PTPRN2: variants seen among roughly 807,000 people sequenced by gnomAD.
The protein encoded by PTPRN2 is protein tyrosine phosphatase receptor type N2.
PTPRN2 carries 74 observed loss-of-function variants against 118.8 expected under a neutral mutation model. The observed-to-expected ratio is 0.62, with a 90% confidence interval of 0.52 to 0.76. PTPRN2 has a LOEUF of 0.76. PTPRN2 is among the 30% of genes least tolerant of loss of function. PTPRN2 has a pLI of 0.00. For missense variants in PTPRN2, 1,481 were observed against 1,394.4 expected (o/e 1.06, Z -0.99); for synonymous variants, 641 against 608.0 (o/e 1.05, Z -0.80).
chr7:158,341,542 A>T (rs1806792198), intron 2 of PTPRN2, among the ~76,000 whole-genome samples: 2 of 113,120 alleles, frequency 1.8e-5, no homozygotes, highest in Admixed American at 9.0e-5. Context: ...ATAAGAGGTG[A>T]CATCTGCAGA....
rs1304710171 is a variant in PTPRN2 at position 157,845,804 on chromosome 7, C to T, written c.1788+52869G>A. On this transcript the variant is annotated intron_variant, in intron 12 of 22. Coordinates refer to ENST00000389418, the MANE Select transcript of PTPRN2 (RefSeq NM_002847.5). This position sits in a 1 kb window ranked among gnomAD's most constrained non-coding sequence, Gnocchi z 4.5. ...CCATGGGCAGAGGAAGGACAAGCAA[C>T]GTGGGGCCATGGGGAGGGACGGAAG... 2.6e-5 allele frequency among the ~76,000 whole-genome samples: 4 copies of T among 152,060 alleles called. No homozygotes were observed. The highest frequency in any genetic ancestry group is 4.4e-5 in the Non-Finnish European group (3 of 68,014).
chr7:158,020,677 C>G (rs1806808660), intron 11 of PTPRN2, among the ~76,000 whole-genome samples: 1 of 152,162 alleles, frequency 6.6e-6, no homozygotes, highest in Admixed American at 6.5e-5. Context: ...TCTCAGCTCC[C>G]AAAGCCCACC....
chr7:158,332,111 GA>G (rs1352437905), intron 2 of PTPRN2, among the ~76,000 whole-genome samples: 3 of 149,700 alleles, frequency 2.0e-5, no homozygotes, highest in African/African-American at 5.1e-5. Flanking sequence ...GAGGCCCACA[GA>G]GGTCACTCAC....
intron 3 of PTPRN2, among the ~76,000 whole-genome samples, chr7:158,289,705 T>G (rs967517436): frequency 1.4e-4 from 21 of 152,222 alleles, no homozygotes; most frequent in African/African-American, 3.6e-4. Context: ...TTTGGTGGTG[T>G]TGTGTCTCCT....
At chr7:157,593,684 G>A (rs1020021786) in intron 17 of PTPRN2, among the ~76,000 whole-genome samples, 4 of 152,180 alleles carry the variant, frequency 2.6e-5, no homozygotes, top group African/African-American at 7.2e-5. Context: ...GCGCTGGGAC[G>A]GATGGGTCCA....
chr7:158,430,114 G>A (rs1816050493), intron 2 of PTPRN2, among the ~76,000 whole-genome samples: 1 of 152,040 alleles, frequency 6.6e-6, no homozygotes, highest in South Asian at 2.1e-4. Flanking sequence ...CACTATGTTG[G>A]CCAGGCTGGT....
intron 11 of PTPRN2, among the ~76,000 whole-genome samples, chr7:158,008,770 C>T (rs754743084): frequency 2.6e-5 from 4 of 152,324 alleles, no homozygotes; most frequent in Non-Finnish European, 4.4e-5. Flanking sequence ...CTAGTATCAC[C>T]GTTTTCTTTC....
rs962288345 is a variant in PTPRN2, at chr7:157,611,916, C to T, written c.2345-7841G>A. ...ATGCTGGGGACACGCGGAGGGAGAG[C>T]GCCCGTGTGAAGACGAAGACAGCCG... On this transcript the variant is annotated intron_variant, in intron 15 of 22. Transcript: ENST00000389418. The surrounding 1 kb of genome is among the most constrained non-coding windows in gnomAD (Gnocchi z 5.9). Among the ~76,000 whole-genome samples, 10 of 152,148 alleles carry T rather than the reference C, an allele frequency of 6.6e-5. No individual in the cohort carries two copies. The highest frequency in any genetic ancestry group is 1.9e-4 in the African/African-American group (8 of 41,526).
chr7:158,149,569 G>A (rs1033898661), intron 6 of PTPRN2, among the ~76,000 whole-genome samples: 10 of 152,088 alleles, frequency 6.6e-5, no homozygotes, highest in South Asian at 2.1e-4. Context: ...TTTGGGGTCC[G>A]AGGTGGGTGG....
chr7:158,127,807 G>C (rs772204327), intron 9 of PTPRN2, among the ~76,000 whole-genome samples: 1 of 152,176 alleles, frequency 6.6e-6, no homozygotes, highest in Non-Finnish European at 1.5e-5. Context: ...TATACCTGGT[G>C]TCCGTCCTGT....
At chr7:158,411,184 C>G (rs550870314) in intron 2 of PTPRN2, among the ~76,000 whole-genome samples, 3 of 152,192 alleles carry the variant, frequency 2.0e-5, no homozygotes, top group Non-Finnish European at 2.9e-5. Context: ...CCCATGAGCA[C>G]CCCATCCCTT....
chr7:158,329,861 G>A (rs909077746), intron 2 of PTPRN2, among the ~76,000 whole-genome samples: 1 of 152,136 alleles, frequency 6.6e-6, no homozygotes, highest in African/African-American at 2.4e-5. Context: ...TTAGACTGTA[G>A]ATGCCAGCGT....
At chr7:157,817,785 G>A (rs1221096286) in intron 12 of PTPRN2, among the ~76,000 whole-genome samples, 1 of 152,182 alleles carries the variant, frequency 6.6e-6, no homozygotes, top group Non-Finnish European at 1.5e-5. Flanking sequence ...CGTGTGTGAT[G>A]TGTGCATGTG....
intron 2 of PTPRN2, among the ~76,000 whole-genome samples, chr7:158,439,773 G>A (rs2129432662): frequency 6.6e-6 from 1 of 152,348 alleles, no homozygotes; most frequent in South Asian, 2.1e-4. Context: ...CGACCAACAA[G>A]ATGGCCCAGT....
chr7:157,692,162 C>T (rs920130609), intron 12 of PTPRN2, among the ~76,000 whole-genome samples: 1 of 152,164 alleles, frequency 6.6e-6, no homozygotes, highest in African/African-American at 2.4e-5. Context: ...CTCCCACCGC[C>T]TGGCCATTGT....
At position 158,450,088 on chromosome 7, in the gene PTPRN2, A is replaced by G. The variant is rs35318004; in HGVS notation, c.163+39647T>C. 3.3e-3 allele frequency among the ~76,000 whole-genome samples: 505 copies of G among 152,338 alleles called. 2 individuals are homozygous for G. Among genetic ancestry groups the G allele is most frequent in the Non-Finnish European group, 6.2e-3 (421 of 68,018 alleles). On this transcript the variant is annotated intron_variant, in intron 2 of 22. Transcript: ENST00000389418. ...GCCTGGCTTCTCACCGCGTCCTTACATGGAGGAGAGAGGACTCTTCCTCTT... is the reference window on the plus strand; with the variant it reads ...GCCTGGCTTCTCACCGCGTCCTTACGTGGAGGAGAGAGGACTCTTCCTCTT...
intron 11 of PTPRN2, among the ~76,000 whole-genome samples, chr7:157,906,292 A>G (rs1180119771): frequency 6.6e-6 from 1 of 152,236 alleles, no homozygotes; most frequent in African/African-American, 2.4e-5. Flanking sequence ...AGCCACTGGG[A>G]GTGCAGAGGC....
At chr7:158,495,576 A>G (rs895646766) in intron 1 of PTPRN2, among the ~76,000 whole-genome samples, 4 of 152,112 alleles carry the variant, frequency 2.6e-5, no homozygotes. Flanking sequence ...CCCTCCTGGC[A>G]GCACAGACCC....
intron 11 of PTPRN2, among the ~76,000 whole-genome samples, chr7:157,960,552 A>G (rs951504268): frequency 2.0e-5 from 3 of 152,258 alleles, no homozygotes; most frequent in Non-Finnish European, 4.4e-5. Flanking sequence ...AATGTGCAGT[A>G]AACATTAGAT....
Sources: gnomAD v4.1 joint callset for allele counts (sites outside exome capture counted in the v4.1 genomes callset) on GRCh38, gnomAD v4.1.1 for gene constraint, Gnocchi (gnomAD v3.1) non-coding constraint, MANE v1.5 for transcripts, NCBI Gene and HGNC (gene_info 2026-07-23, HGNC 2026-07-21) for gene names.